Variants in FRMPD4 observed in about 807,000 individuals in gnomAD.
The protein encoded by FRMPD4 is FERM and PDZ domain-containing protein 4.
FRMPD4 carries 22 observed loss-of-function variants against 94.1 expected under a neutral mutation model. The observed-to-expected ratio is 0.23, with a 90% CI of 0.17 to 0.33. The LOEUF (loss-of-function observed/expected upper bound fraction) is 0.33. FRMPD4 is among the 10% of genes least tolerant of loss of function. FRMPD4 has a pLI of 1.00. For synonymous variants in FRMPD4, 631 were observed against 548.6 expected, an observed-to-expected ratio of 1.15 and a Z score of -2.10; for missense variants, 1,111 against 1,339.9, an observed-to-expected ratio of 0.83 and a Z score of 2.67.
intron 1 of FRMPD4, among the ~76,000 whole-genome samples, chrX:12,479,345 T>TAA (rs1280995566): frequency 1.7e-4 from 1 of 6,044 alleles, no homozygotes; most frequent in African/African-American, 3.7e-4. Flanking sequence ...CAACAGTCTG[T>TAA]ATATATATAT....
intron 2 of FRMPD4, among the ~76,000 whole-genome samples, chrX:12,604,436 A>G (rs998282754): frequency 8.0e-5 from 9 of 112,055 alleles, no homozygotes; most frequent in Non-Finnish European, 1.7e-4. Context: ...ATATCAATGT[A>G]TGTTTGTATT....
At chrX:12,116,737 A>C (rs1267040730) in intron 3 of FRMPD4, among the ~76,000 whole-genome samples, 1 of 111,879 alleles carries the variant, frequency 8.9e-6, no homozygotes, top group African/African-American at 3.3e-5. Flanking sequence ...TGACCCTCCA[A>C]GCCCTCACTG....
intron 2 of FRMPD4, among the ~76,000 whole-genome samples, chrX:12,556,848 A>G (rs1488928350): frequency 2.0e-5 from 1 of 50,441 alleles, no homozygotes; most frequent in Non-Finnish European, 5.0e-5. Flanking sequence ...AGGGTATACA[A>G]GTTTGTTTGT....
intron 1 of FRMPD4, among the ~76,000 whole-genome samples, chrX:12,399,892 G>A (rs1028829067): frequency 8.9e-6 from 1 of 111,755 alleles, no homozygotes; most frequent in Non-Finnish European, 1.9e-5. Context: ...ATAGAAAGAG[G>A]TGATGTTAGG....
At chrX:12,337,808 C>A (rs2055550488) in intron 1 of FRMPD4, among the ~76,000 whole-genome samples, 1 of 112,514 alleles carries the variant, frequency 8.9e-6, no homozygotes, top group Non-Finnish European at 1.9e-5. Context: ...AATATTATTT[C>A]ATTCGGCATT....
intron 3 of FRMPD4, among the ~76,000 whole-genome samples, chrX:11,969,282 A>G: frequency 8.9e-6 from 1 of 112,108 alleles, no homozygotes; most frequent in Non-Finnish European, 1.9e-5. Context: ...TTCTTGGGTG[A>G]TCTCTAGTAT....
At chrX:12,458,344 A>G (rs1388779094) in intron 1 of FRMPD4, among the ~76,000 whole-genome samples, 2 of 111,962 alleles carry the variant, frequency 1.8e-5, no homozygotes, top group Non-Finnish European at 3.8e-5. Context: ...CTTCTAGTTA[A>G]TCACCAAATA....
At chrX:11,995,531 A>T (rs2054491655) in intron 3 of FRMPD4, among the ~76,000 whole-genome samples, 1 of 111,949 alleles carries the variant, frequency 8.9e-6, no homozygotes, top group Non-Finnish European at 1.9e-5. Context: ...CAACAGGCAC[A>T]AGGGAAGATT....
At chrX:12,621,962 A>AAG (rs1569369869) in intron 4 of FRMPD4, among the ~76,000 whole-genome samples, 11 of 85,186 alleles carry the variant, frequency 1.3e-4, no homozygotes, top group South Asian at 6.3e-4. Context: ...GAGAGAAAGA[A>AAG]AGAAAGAGAA....
At chrX:12,364,019 T>A (rs2056036901) in intron 1 of FRMPD4, among the ~76,000 whole-genome samples, 1 of 111,565 alleles carries the variant, frequency 9.0e-6, no homozygotes, top group Non-Finnish European at 1.9e-5. Flanking sequence ...CTTCATTTGC[T>A]GTTTAGAATC....
chrX:12,000,594 G>A (rs1429737820), intron 3 of FRMPD4, among the ~76,000 whole-genome samples: 1 of 111,712 alleles, frequency 9.0e-6, no homozygotes, highest in African/African-American at 3.3e-5. Flanking sequence ...CCTATTTACA[G>A]TAGCTGCCTT....
At chrX:12,484,933 A>G (rs924707500) in intron 1 of FRMPD4, among the ~76,000 whole-genome samples, 1 of 112,100 alleles carries the variant, frequency 8.9e-6, no homozygotes, top group African/African-American at 3.2e-5. Context: ...GGTACTTACT[A>G]CTCGATAGCA....
At chrX:11,883,514 A>AG (rs965977343) in intron 3 of FRMPD4, among the ~76,000 whole-genome samples, 1 of 111,643 alleles carries the variant, frequency 9.0e-6, no homozygotes, top group African/African-American at 3.3e-5. Context: ...ACTAAGCTCT[A>AG]GGGGGGATGG....
chrX:12,040,168 TTTC>T (rs1180661672), intron 3 of FRMPD4, among the ~76,000 whole-genome samples: 1 of 110,394 alleles, frequency 9.1e-6, no homozygotes, highest in Non-Finnish European at 1.9e-5. Flanking sequence ...GAATTGTTTA[TTTC>T]TTCTTTTGAT....
At chrX:12,087,566 T>C (rs1027006301) in intron 3 of FRMPD4, among the ~76,000 whole-genome samples, 3 of 111,903 alleles carry the variant, frequency 2.7e-5, no homozygotes, top group Admixed American at 1.9e-4. Context: ...GGCACCAGTA[T>C]GCACTAAGCA....
intron 9 of FRMPD4, among the ~76,000 whole-genome samples, chrX:12,697,291 G>C (rs2060142812): frequency 8.9e-6 from 1 of 112,110 alleles, no homozygotes; most frequent in African/African-American, 3.2e-5. Flanking sequence ...ATTCTCAGCT[G>C]ATCTGTTACT....
chrX:12,673,713 C>T (rs1013256489), intron 4 of FRMPD4, among the ~76,000 whole-genome samples: 1 of 111,934 alleles, frequency 8.9e-6, no homozygotes, highest in Non-Finnish European at 1.9e-5. Flanking sequence ...AGACTGGCCA[C>T]CATCAGCACT....
chrX:12,110,366 A>G (rs1221121368), intron 3 of FRMPD4, among the ~76,000 whole-genome samples: 2 of 112,444 alleles, frequency 1.8e-5, no homozygotes, highest in Non-Finnish European at 3.7e-5. Flanking sequence ...ACAAAATTCA[A>G]CAGCTCTTCA....
intron 3 of FRMPD4, among the ~76,000 whole-genome samples, chrX:11,961,072 T>C: frequency 8.9e-6 from 1 of 112,070 alleles, no homozygotes; most frequent in Non-Finnish European, 1.9e-5. Flanking sequence ...ATTTTCTAAC[T>C]GTTCTTTGAT....
Sources: gnomAD v4.1 joint callset for allele counts (sites outside exome capture counted in the v4.1 genomes callset) on GRCh38, gnomAD v4.1.1 for gene constraint, MANE v1.5 for transcripts, NCBI Gene and HGNC (gene_info 2026-07-23, HGNC 2026-07-21) for gene names.